The following GRIP1 variants were observed in gnomAD, a reference collection of about 807,000 sequenced individuals.
GRIP1 encodes glutamate receptor-interacting protein 1.
GRIP1 carries 45 observed loss-of-function variants against 129.9 expected under a neutral mutation model. That is an observed-to-expected ratio of 0.35 (90% CI 0.27 to 0.44). The LOEUF is 0.44. Among genes scored for constraint, GRIP1 ranks in the 20% least tolerant of loss-of-function variants. The pLI is 1.00. For synonymous variants in GRIP1, 530 were observed against 520.8 expected, an observed-to-expected ratio of 1.02 and a Z score of -0.24; for missense variants, 1,196 against 1,396.8, an observed-to-expected ratio of 0.86 and a Z score of 2.29.
intron 1 of GRIP1, among the ~76,000 whole-genome samples, chr12:67,067,708 A>G: frequency 6.6e-6 from 1 of 152,210 alleles, no homozygotes; most frequent in South Asian, 2.1e-4. Context: ...TGGAAATTGT[A>G]CATTGGTTCT....
intron 14 of GRIP1, among the ~76,000 whole-genome samples, chr12:66,424,347 T>G (rs2057912445): frequency 1.3e-5 from 2 of 152,222 alleles, no homozygotes; most frequent in South Asian, 4.1e-4. Flanking sequence ...GCATACAATT[T>G]AAAGAGTCAA....
At chr12:66,608,874 A>G (rs1294340439) in intron 1 of GRIP1, among the ~76,000 whole-genome samples, 2 of 151,956 alleles carry the variant, frequency 1.3e-5, no homozygotes, top group African/African-American at 4.8e-5. Flanking sequence ...TATCTGGAAT[A>G]GATGAGGAAG....
intron 1 of GRIP1, among the ~76,000 whole-genome samples, chr12:66,776,464 T>C (rs780356166): frequency 1.1e-4 from 17 of 152,180 alleles, no homozygotes; most frequent in Non-Finnish European, 1.9e-4. Context: ...TAACTTTAAT[T>C]AGTAAATTAA....
chr12:66,580,643 G>A (rs1295310429), intron 2 of GRIP1, among the ~76,000 whole-genome samples: 3 of 147,032 alleles, frequency 2.0e-5, no homozygotes, highest in Admixed American at 6.8e-5. Flanking sequence ...AACCAACAAA[G>A]ATCAAAAGAG....
chr12:66,480,082 G>C (rs2059755969), intron 7 of GRIP1, among the ~76,000 whole-genome samples: 1 of 152,160 alleles, frequency 6.6e-6, no homozygotes, highest in Non-Finnish European at 1.5e-5. Context: ...CAATCAGGAA[G>C]AGAAAGAAAT....
intron 1 of GRIP1, among the ~76,000 whole-genome samples, chr12:67,056,142 C>G (rs2043431568): frequency 6.6e-6 from 1 of 152,196 alleles, no homozygotes; most frequent in Non-Finnish European, 1.5e-5. Flanking sequence ...TCCAGTTACT[C>G]TTGCTGTGTA....
At chr12:66,428,077 C>T (rs1197744447) in intron 14 of GRIP1, among the ~76,000 whole-genome samples, 1 of 152,098 alleles carries the variant, frequency 6.6e-6, no homozygotes, top group Non-Finnish European at 1.5e-5. Context: ...CACTTTCTCT[C>T]GCTGAAAATC....
rs140705911 is a variant in GRIP1, at chr12:67,002,415, G to A, written c.58+66635C>T. On this transcript the variant is annotated intron_variant, in intron 1 of 1. Transcript: ENST00000643019. Reference sequence around the variant, plus strand: ...GAATAGGTAGTAAACACTGCACACCGGTAATGGAACACAGAATGCTGGTGT... The same window carrying A: ...GAATAGGTAGTAAACACTGCACACCAGTAATGGAACACAGAATGCTGGTGT... Among the ~76,000 whole-genome samples the A allele has an allele frequency of 2.9e-3, 446 of 152,268 alleles. 4 individuals carry two copies. Among genetic ancestry groups the A allele is most frequent in the Non-Finnish European group, 4.8e-3 (324 of 68,010 alleles).
chr12:66,640,494 G>T lies in GRIP1; in HGVS notation c.55+38356C>A, dbSNP rs184251248. Among the ~76,000 whole-genome samples, 11 of 152,262 alleles carry T rather than the reference G, an allele frequency of 7.2e-5. No individual in the cohort carries two copies. The South Asian group carries it at 2.1e-3, about 29-fold the overall frequency. ...TATCCCAGAGATACTCAAGCTAGAA[G>T]AAAAGACTCAAACGATGTCTCTCGA... On this transcript the variant is annotated intron_variant, in intron 1 of 24. Coordinates refer to ENST00000359742, the MANE Select transcript of GRIP1 (RefSeq NM_001366722.1).
chr12:66,701,369 A>G (rs2035346085), intron 1 of GRIP1, among the ~76,000 whole-genome samples: 1 of 152,188 alleles, frequency 6.6e-6, no homozygotes, highest in Admixed American at 6.5e-5. Flanking sequence ...ACAAAAATAC[A>G]TTTATTTTGT....
chr12:66,823,531 A>G (rs2136992532), intron 1 of GRIP1, among the ~76,000 whole-genome samples: 1 of 152,276 alleles, frequency 6.6e-6, no homozygotes, highest in Admixed American at 6.5e-5. Flanking sequence ...TTTCTCCTTC[A>G]TCAGTATTTA....
intron 1 of GRIP1, among the ~76,000 whole-genome samples, chr12:66,992,933 T>A (rs1430064175): frequency 6.6e-6 from 1 of 152,032 alleles, no homozygotes; most frequent in Admixed American, 6.6e-5. Flanking sequence ...GGCAACATGG[T>A]GAAACCCTGT....
intron 7 of GRIP1, among the ~76,000 whole-genome samples, chr12:66,473,258 G>T (rs879309980): frequency 1.1e-4 from 17 of 152,190 alleles, no homozygotes; most frequent in Non-Finnish European, 1.8e-4. Context: ...AAGCTGCTGT[G>T]GCCAGACTGC....
chr12:66,844,625 T>C (rs2039780591), intron 1 of GRIP1, among the ~76,000 whole-genome samples: 1 of 152,182 alleles, frequency 6.6e-6, no homozygotes, highest in Non-Finnish European at 1.5e-5. Context: ...AAACAATTGA[T>C]TGCAGGGTCT....
chr12:66,636,068 A>G (rs957276448), intron 1 of GRIP1, among the ~76,000 whole-genome samples: 6 of 152,234 alleles, frequency 3.9e-5, no homozygotes, highest in African/African-American at 1.4e-4. Flanking sequence ...TTACAATGGA[A>G]TATTAGCCTT....
intron 23 of GRIP1, among the ~76,000 whole-genome samples, chr12:66,366,713 T>A (rs191431618): frequency 6.6e-6 from 1 of 152,348 alleles, no homozygotes; most frequent in Admixed American, 6.5e-5. Context: ...AGAGGGAGTC[T>A]TGCTCTGTCA....
At chr12:66,759,483 C>T (rs1033671685) in intron 1 of GRIP1, among the ~76,000 whole-genome samples, 18 of 152,188 alleles carry the variant, frequency 1.2e-4, no homozygotes, top group Non-Finnish European at 2.6e-4. Flanking sequence ...ACATTAGGCT[C>T]CTTGCTACTT....
intron 1 of GRIP1, among the ~76,000 whole-genome samples, chr12:66,858,365 C>T (rs886726539): frequency 6.6e-6 from 1 of 151,824 alleles, no homozygotes; most frequent in African/African-American, 2.4e-5. Context: ...AGTTTTTATG[C>T]TTAAGAAATT....
chr12:67,033,330 T>C (rs1301280782), intron 1 of GRIP1, among the ~76,000 whole-genome samples: 3 of 150,738 alleles, frequency 2.0e-5, no homozygotes, highest in Non-Finnish European at 4.4e-5. Context: ...AGAATTCTAC[T>C]CCACTTGCTC....
Sources: gnomAD v4.1 joint callset for allele counts (sites outside exome capture counted in the v4.1 genomes callset) on GRCh38, gnomAD v4.1.1 for gene constraint, MANE v1.5 for transcripts, NCBI Gene and HGNC (gene_info 2026-07-23, HGNC 2026-07-21) for gene names.